ITGA8: variants seen among roughly 807,000 people sequenced by gnomAD.
ITGA8 encodes the protein integrin subunit alpha 8, also known as integrin alpha-8.
A neutral mutation model predicts 142.3 loss-of-function variants in ITGA8; 91 were observed. The ratio of observed to expected loss-of-function variants is 0.64; its 90% CI spans 0.54 to 0.76. The LOEUF is 0.76. Among genes scored for constraint, ITGA8 ranks in the 30% least tolerant of loss-of-function variants. The pLI, the probability that ITGA8 is intolerant of heterozygous loss-of-function variation, is 0.00. For missense variants in ITGA8, 1,406 were observed against 1,327.7 expected (o/e 1.06, Z -0.92); for synonymous variants, 505 against 485.2 (o/e 1.04, Z -0.54).
At chr10:15,702,201 A>C (rs1835176863) in intron 2 of ITGA8, among the ~76,000 whole-genome samples, 1 of 152,162 alleles carries the variant, frequency 6.6e-6, no homozygotes. Flanking sequence ...CATACTATAT[A>C]CAAATATGTG....
At chr10:15,559,495 A>C (rs1833938417) in intron 25 of ITGA8, among the ~76,000 whole-genome samples, 1 of 152,282 alleles carries the variant, frequency 6.6e-6, no homozygotes, top group Middle Eastern at 3.4e-3. Flanking sequence ...GAGGAAAGCT[A>C]AGGCAGGGAG....
intron 2 of ITGA8, among the ~76,000 whole-genome samples, chr10:15,694,557 G>T: frequency 7.5e-6 from 1 of 133,706 alleles, no homozygotes; most frequent in Non-Finnish European, 1.6e-5. Context: ...ATATATTATA[G>T]AGTTATAATA....
intron 10 of ITGA8, among the ~76,000 whole-genome samples, chr10:15,657,964 C>A (rs1397740387): frequency 6.6e-6 from 1 of 152,168 alleles, no homozygotes; most frequent in African/African-American, 2.4e-5. Context: ...CACGTATTCG[C>A]ATGCATCTCA....
rs146388043 is a variant in ITGA8, at chr10:15,517,417, C to T, written c.3106-173G>A. ...TTGGCTCACTGCAACCTCCGCCTCC[C>T]GGTTCAAGCGATTCTCCTGCCTCAG... On this transcript the variant is annotated intron_variant, in intron 29 of 29. Coordinates refer to ENST00000378076, the MANE Select transcript of ITGA8 (RefSeq NM_003638.3). 6.3e-3 allele frequency among the ~76,000 whole-genome samples: 960 copies of T among 152,100 alleles called. 7 individuals carry two copies. Among genetic ancestry groups the T allele is most frequent in the African/African-American group, 0.022 (924 of 41,516 alleles).
At position 15,672,816 on chromosome 10, in the gene ITGA8, C is replaced by T; in HGVS notation, c.677-67G>A. The T allele has an allele frequency of 5.6e-6, 8 of 1,438,626 alleles. No individual in the cohort carries two copies. The South Asian group carries it at 1.1e-4, about 19-fold the overall frequency. The allele number at this position is 1,438,626 out of a possible 1,614,324, so 89.1% of individuals were successfully genotyped here. ...GAGGCAGGCCCTCCATGAGCAGACC[C>T]ACATTCCCTTGAAAGCTATGGTGGA... On this transcript the variant is annotated intron_variant, in intron 6 of 29. Coordinates refer to ENST00000378076, the MANE Select transcript of ITGA8 (RefSeq NM_003638.3).
chr10:15,665,555 C>T (rs1834372798), intron 8 of ITGA8, among the ~76,000 whole-genome samples: 1 of 115,268 alleles, frequency 8.7e-6, no homozygotes, highest in Non-Finnish European at 2.0e-5. Flanking sequence ...CTTTTGTTGC[C>T]ATTGCTTTTT....
At chr10:15,633,356 A>G (rs905096538) in intron 13 of ITGA8, among the ~76,000 whole-genome samples, 1 of 152,218 alleles carries the variant, frequency 6.6e-6, no homozygotes, top group Admixed American at 6.5e-5. Flanking sequence ...CATACTAACA[A>G]AGACAAACTA....
At chr10:15,587,142 C>A (rs1033849077) in intron 22 of ITGA8, among the ~76,000 whole-genome samples, 3 of 152,042 alleles carry the variant, frequency 2.0e-5, no homozygotes, top group African/African-American at 7.2e-5. Context: ...AGGATGGTCT[C>A]TATCTCTTGA....
At position 15,531,085 on chromosome 10, in the gene ITGA8, C is replaced by T; in HGVS notation, c.2947G>A (p.Asp983Asn). 6.3e-7 allele frequency: 1 copy of T among 1,582,258 alleles called. No individual in the cohort carries two copies. Among genetic ancestry groups the T allele is most frequent in the Non-Finnish European group, 8.6e-7 (1 of 1,167,382 alleles). Residue 983 changes from aspartate (D) to asparagine (N), a missense_variant, in exon 28 of 30, where the codon GAT becomes AAT. By Grantham distance (23) the Asp-to-Asn change is conservative (BLOSUM62 1). Coordinates refer to ENST00000378076, the MANE Select transcript of ITGA8 (RefSeq NM_003638.3). ...SFEVKKMPYTDQPAKLPEGSI... is the reference protein window; with the variant it reads ...SFEVKKMPYTNQPAKLPEGSI... ...CCTTCTGGGAGTTTTGCTGGCTGAT[C>T]TGTATAAGGCATCTTCTTAACTTCA...
chr10:15,644,016 AAAG>A lies in ITGA8; in HGVS notation c.1399+11_1399+13del, dbSNP rs780659955. ...GACGTAGACTCTCACGTGGGAAAAG[AAAG>A]AAAACCTTACCTGGGTAATCATTCT... is the stretch of plus-strand genomic sequence containing the variant. On this transcript the variant is annotated intron_variant, in intron 13 of 29. Transcript: ENST00000378076. 2 of 1,604,356 alleles carry A rather than the reference AAAG, an allele frequency of 1.2e-6. No homozygotes were observed. The highest frequency in any genetic ancestry group is 2.7e-5 in the African/African-American group (2 of 74,642).
chr10:15,567,213 T>G (rs1834096389), intron 25 of ITGA8, among the ~76,000 whole-genome samples: 1 of 152,030 alleles, frequency 6.6e-6, no homozygotes, highest in African/African-American at 2.4e-5. Flanking sequence ...TATGAAACTT[T>G]TGGCTCCTCA....
At chr10:15,519,247 C>T (rs779898719) in intron 29 of ITGA8, 43 bp downstream of exon 29, 2 of 1,607,252 alleles carry the variant, frequency 1.2e-6, no homozygotes, top group Non-Finnish European at 1.7e-6. Flanking sequence ...ATTCCCTCAA[C>T]AGCCCCTCTA....
intron 26 of ITGA8, among the ~76,000 whole-genome samples, chr10:15,551,127 A>G (rs993341824): frequency 6.6e-6 from 1 of 152,148 alleles, no homozygotes; most frequent in Non-Finnish European, 1.5e-5. Flanking sequence ...GGTTTTGGGT[A>G]TGCGAGGACG....
chr10:15,559,584 T>C (rs1027613062), intron 25 of ITGA8, among the ~76,000 whole-genome samples: 3 of 151,864 alleles, frequency 2.0e-5, no homozygotes, highest in Non-Finnish European at 2.9e-5. Context: ...AATAAGAGAG[T>C]GACAAAGAAT....
chr10:15,666,546 C>G (rs1834396656), intron 8 of ITGA8, among the ~76,000 whole-genome samples: 2 of 152,124 alleles, frequency 1.3e-5, no homozygotes, highest in Non-Finnish European at 2.9e-5. Flanking sequence ...CCAGAACTTC[C>G]AACACTATGT....
intron 8 of ITGA8, among the ~76,000 whole-genome samples, chr10:15,669,215 T>C (rs1399568245): frequency 2.6e-5 from 4 of 152,200 alleles, no homozygotes; most frequent in African/African-American, 9.6e-5. Context: ...GCTTTGTTCA[T>C]TTCTTTTTAT....
At chr10:15,536,217 C>A (rs764732529) in intron 27 of ITGA8, among the ~76,000 whole-genome samples, 2 of 151,818 alleles carry the variant, frequency 1.3e-5, no homozygotes, top group African/African-American at 4.8e-5. Context: ...GCCTGTAACA[C>A]CACCTCTCCT....
chr10:15,707,696 G>A (rs896339755), intron 2 of ITGA8, among the ~76,000 whole-genome samples: 22 of 151,850 alleles, frequency 1.4e-4, no homozygotes, highest in Non-Finnish European at 8.8e-5. Context: ...GGTGGTGGGT[G>A]CCTGTAATCC....
chr10:15,685,212 G>A (rs752733824), intron 3 of ITGA8, among the ~76,000 whole-genome samples: 7 of 152,284 alleles, frequency 4.6e-5, no homozygotes, highest in East Asian at 3.9e-4. Context: ...GAAATTTATC[G>A]AGATAAACTC....
Sources: allele counts gnomAD v4.1 joint callset (sites outside exome capture counted in the v4.1 genomes callset), GRCh38; gene constraint gnomAD v4.1.1; transcripts MANE v1.5; gene names NCBI Gene and HGNC (gene_info 2026-07-23, HGNC 2026-07-21).